Variants in CAPZA2 observed in about 807,000 individuals in gnomAD.
The protein encoded by CAPZA2 is F-actin-capping protein subunit alpha-2.
Under a neutral mutation model 44.0 loss-of-function variants are expected in CAPZA2, and 13 were observed. That is an observed-to-expected ratio of 0.30 (90% CI 0.19 to 0.47). The LOEUF is 0.47. CAPZA2 is among the 20% of genes least tolerant of loss of function. The pLI, the probability that CAPZA2 is intolerant of heterozygous loss-of-function variation, is 1.00. For missense variants in CAPZA2, 244 were observed against 338.6 expected (o/e 0.72, Z 2.19); for synonymous variants, 94 against 108.2 (o/e 0.87, Z 0.81).
At chr7:116,889,522 G>A (rs1342629652) in intron 2 of CAPZA2, among the ~76,000 whole-genome samples, 20 of 147,350 alleles carry the variant, frequency 1.4e-4, no homozygotes, top group Admixed American at 2.0e-4. Context: ...GGGTGTTTGC[G>A]ACCAGCCTGG....
At chr7:116,865,188 T>C (rs1796468149) in intron 1 of CAPZA2, among the ~76,000 whole-genome samples, 1 of 141,890 alleles carries the variant, frequency 7.0e-6, no homozygotes, top group Non-Finnish European at 1.5e-5. Context: ...TTTTTTTTTT[T>C]TTTTTTTTTT....
Position 116,920,748 on chromosome 7 carries a change from T to C in CAPZA2, c.*2881T>C, listed in dbSNP as rs1791759668. 1 of 152,366 alleles carries C rather than the reference T, an allele frequency of 6.6e-6. No homozygotes were observed. Among genetic ancestry groups the C allele is most frequent in the African/African-American group, 2.4e-5 (1 of 41,456 alleles). The allele number at this position is 152,366 out of a possible 1,614,324, so 9.4% of individuals were successfully genotyped here. A position where few individuals can be genotyped will look rare whatever the true frequency, so the allele number is the denominator to read the frequency against. ...AGAAGAATGGGAAAGTGCATGAACC[T>C]GGAAACAATTTTATAGGCAGACAGG... On this transcript the variant is annotated 3_prime_UTR_variant, in exon 10 of 10. Coordinates refer to ENST00000361183, the MANE Select transcript of CAPZA2 (RefSeq NM_006136.3).
In CAPZA2 at chr7:116,903,245, T is replaced by A. The variant is rs993116069; in HGVS notation, c.220-932T>A. 1.4e-4 allele frequency among the ~76,000 whole-genome samples: 21 copies of A among 151,632 alleles called. No homozygotes were observed. The Middle Eastern group carries it at 0.014, about 98-fold the overall frequency. ...AGATGCAGAGAAGAGTGTGTGTGTGTGTGTGTGTGTGTGTGTGTGTGTGTG... is the reference window on the plus strand; with the variant it reads ...AGATGCAGAGAAGAGTGTGTGTGTGAGTGTGTGTGTGTGTGTGTGTGTGTG... On this transcript the variant is annotated intron_variant, in intron 4 of 9. Transcript: ENST00000361183.
At chr7:116,869,934 A>G (rs1477903789) in intron 1 of CAPZA2, among the ~76,000 whole-genome samples, 8 of 152,170 alleles carry the variant, frequency 5.3e-5, no homozygotes, top group African/African-American at 4.8e-5. Flanking sequence ...CAGTGGCACA[A>G]TCTCGGCTCA....
intron 2 of CAPZA2, among the ~76,000 whole-genome samples, chr7:116,890,368 ATATT>A (rs1796815056): frequency 6.6e-6 from 1 of 151,336 alleles, no homozygotes; most frequent in South Asian, 2.1e-4. Context: ...AACTGAAAGA[ATATT>A]TAAGAGTTAG....
At chr7:116,912,517 A>G (rs1490663303) in intron 8 of CAPZA2, among the ~76,000 whole-genome samples, 6 of 152,188 alleles carry the variant, frequency 3.9e-5, no homozygotes, top group Non-Finnish European at 8.8e-5. Flanking sequence ...AGCCCTAGGC[A>G]GTGGCTAATC....
intron 4 of CAPZA2, among the ~76,000 whole-genome samples, chr7:116,900,232 T>A (rs1353360033): frequency 1.3e-5 from 2 of 151,948 alleles, no homozygotes; most frequent in African/African-American, 4.8e-5. Context: ...TTAGTTAAAA[T>A]GTAAAATTAG....
chr7:116,880,842 G>A (rs2115900797), intron 1 of CAPZA2, among the ~76,000 whole-genome samples: 1 of 150,052 alleles, frequency 6.7e-6, no homozygotes, highest in African/African-American at 2.4e-5. Context: ...TGAGTAGCTG[G>A]GATTACAGGT....
Position 116,904,355 on chromosome 7 carries a change from A to C in CAPZA2, c.398A>C (p.Lys133Thr). ...SVETALRAYVKEHYPNGVCTV... is the reference protein window; with the variant it reads ...SVETALRAYVTEHYPNGVCTV... ...GAAACTGCTCTGAGAGCTTACGTAA[A>C]AGAACATTACCCGAATGGAGTCTGC... Residue 133 changes from lysine (K) to threonine (T), a missense_variant, in exon 5 of 10, where the codon AAA becomes ACA. Coordinates refer to ENST00000361183, the MANE Select transcript of CAPZA2 (RefSeq NM_006136.3). 1 of 1,613,168 alleles carries C rather than the reference A, an allele frequency of 6.2e-7. No homozygotes were observed. Among genetic ancestry groups the C allele is most frequent in the East Asian group, 2.2e-5 (1 of 44,846 alleles).
At chr7:116,867,582 CTT>C (rs67944722) in intron 1 of CAPZA2, among the ~76,000 whole-genome samples, 177 of 114,786 alleles carry the variant, frequency 1.5e-3, no homozygotes, top group South Asian at 7.7e-3. Flanking sequence ...ATTTCTCTCT[CTT>C]TTTTTTTTTT....
At chr7:116,906,890 C>G (rs182496178) in intron 6 of CAPZA2, among the ~76,000 whole-genome samples, 13 of 152,324 alleles carry the variant, frequency 8.5e-5, no homozygotes, top group Admixed American at 5.2e-4. Context: ...ATTTACCATA[C>G]TGGTCTTGGA....
In CAPZA2 at chr7:116,912,056, CT is replaced by C. The variant is rs1791604247; in HGVS notation, c.586-8del. The C allele has an allele frequency of 6.2e-7, 1 of 1,611,306 alleles. No homozygotes were observed. The highest frequency in any genetic ancestry group is 2.2e-5 in the East Asian group (1 of 44,734). ...TCCTGTAATGTGGTTTCTGTAATTT[CT>C]TTTTCTAATAGGTTCATTATTATGA... On this transcript the variant is annotated splice_polypyrimidine_tract_variant and intron_variant, in intron 7 of 9. Coordinates refer to ENST00000361183, the MANE Select transcript of CAPZA2 (RefSeq NM_006136.3).
At chr7:116,868,979 A>G (rs1392107500) in intron 1 of CAPZA2, among the ~76,000 whole-genome samples, 1 of 152,204 alleles carries the variant, frequency 6.6e-6, no homozygotes, top group Non-Finnish European at 1.5e-5. Flanking sequence ...CCATTTTTGC[A>G]TGAGTAGTTG....
At chr7:116,904,686 G>T in intron 5 of CAPZA2, 1 of 213,752 alleles carries the variant, frequency 4.7e-6, no homozygotes, top group Non-Finnish European at 9.1e-6. Flanking sequence ...ACTCGTCTCA[G>T]TTTAGATCAA....
chr7:116,911,948 C>T, intron 7 of CAPZA2, 121 bp from the exon 8 acceptor site: 1 of 1,504,886 alleles, frequency 6.6e-7, no homozygotes. Context: ...TTTTGGGGCT[C>T]AGCAGAGAAG....
chr7:116,903,643 A>G (rs1797023977), intron 4 of CAPZA2, among the ~76,000 whole-genome samples: 1 of 152,208 alleles, frequency 6.6e-6, no homozygotes. Flanking sequence ...GTATGTTTTT[A>G]AATACTTGGA....
intron 5 of CAPZA2, among the ~76,000 whole-genome samples, chr7:116,905,214 CATA>C (rs929465271): frequency 1.1e-4 from 16 of 151,326 alleles, no homozygotes; most frequent in East Asian, 5.8e-4. Context: ...TTAAAAATTT[CATA>C]ATATTATTTG....
chr7:116,867,416 A>G (rs1796495804), intron 1 of CAPZA2, among the ~76,000 whole-genome samples: 1 of 152,118 alleles, frequency 6.6e-6, no homozygotes, highest in African/African-American at 2.4e-5. Flanking sequence ...TAGTGCCTGG[A>G]TCCTCCATTG....
rs1391659730 is a variant in CAPZA2, at chr7:116,921,620, T to TA, written c.*3754dup. The TA allele has an allele frequency of 6.6e-6, 1 of 152,214 alleles. No homozygotes were observed. Among genetic ancestry groups the TA allele is most frequent in the African/African-American group, 2.4e-5 (1 of 41,456 alleles). The allele number at this position is 152,214 out of a possible 1,614,324, so 9.4% of individuals were successfully genotyped here. On this transcript the variant is annotated 3_prime_UTR_variant, in exon 10 of 10. Transcript: ENST00000361183. ...ATCTTTGAACCCAGGAAGTGACAGTTACAACGAGCGGAGACTGTGCCACTT... is the reference window on the plus strand; with the variant it reads ...ATCTTTGAACCCAGGAAGTGACAGTTAACAACGAGCGGAGACTGTGCCACTT...
Sources: gnomAD v4.1 joint callset for allele counts (sites outside exome capture counted in the v4.1 genomes callset) on GRCh38, gnomAD v4.1.1 for gene constraint, MANE v1.5 for transcripts, NCBI Gene and HGNC (gene_info 2026-07-23, HGNC 2026-07-21) for gene names.